Variants in LRMDA observed in about 807,000 individuals in gnomAD.
The protein encoded by LRMDA is leucine-rich melanocyte differentiation-associated protein.
A neutral mutation model predicts 29.8 loss-of-function variants in LRMDA; 18 were observed. The ratio of observed to expected loss-of-function variants is 0.60; its 90% CI spans 0.42 to 0.90. LRMDA has a LOEUF of 0.90. Among genes scored for constraint, LRMDA ranks in the 40% least tolerant of loss-of-function variants. The pLI is 0.00. For synonymous variants in LRMDA, 125 were observed against 109.4 expected (o/e 1.14, Z -0.89); for missense variants, 273 against 273.9 (o/e 1.00, Z 0.02).
chr10:75,527,047 A>C (rs1192735306), intron 2 of LRMDA, among the ~76,000 whole-genome samples: 1 of 152,036 alleles, frequency 6.6e-6, no homozygotes, highest in Non-Finnish European at 1.5e-5. Flanking sequence ...CCCTCCCTCT[A>C]ACTCCTGGCA....
At chr10:76,280,919 A>G (rs1040461013) in intron 5 of LRMDA, among the ~76,000 whole-genome samples, 1 of 152,142 alleles carries the variant, frequency 6.6e-6, no homozygotes, top group African/African-American at 2.4e-5. Flanking sequence ...ACCATTGTAG[A>G]ATTGCTTGTG....
At chr10:75,782,343 A>G (rs1843397038) in intron 2 of LRMDA, among the ~76,000 whole-genome samples, 1 of 152,166 alleles carries the variant, frequency 6.6e-6, no homozygotes, top group African/African-American at 2.4e-5. Flanking sequence ...CCTGAAATGA[A>G]TTAGAAAAAC....
intron 6 of LRMDA, among the ~76,000 whole-genome samples, chr10:76,335,165 G>T (rs2132412049): frequency 6.6e-6 from 1 of 152,326 alleles, no homozygotes. Context: ...AATTAGATAT[G>T]ATTATTCTAC....
intron 2 of LRMDA, among the ~76,000 whole-genome samples, chr10:75,708,580 G>C (rs79344486): frequency 1.3e-5 from 2 of 152,036 alleles, no homozygotes; most frequent in Admixed American, 1.3e-4. Context: ...TTAGGCTCTC[G>C]TCATCAAAGC....
chr10:76,428,140 A>T (rs1842149669), intron 6 of LRMDA, among the ~76,000 whole-genome samples: 1 of 152,162 alleles, frequency 6.6e-6, no homozygotes, highest in Non-Finnish European at 1.5e-5. Flanking sequence ...CTTGTGGCTG[A>T]GCCAAAACAC....
intron 2 of LRMDA, among the ~76,000 whole-genome samples, chr10:76,006,812 G>C (rs886999638): frequency 6.6e-6 from 1 of 152,122 alleles, no homozygotes; most frequent in Non-Finnish European, 1.5e-5. Context: ...TTAAAAAGAC[G>C]TGGCTTTCTA....
chr10:75,566,162 A>G (rs1375170729), intron 2 of LRMDA, among the ~76,000 whole-genome samples: 1 of 152,232 alleles, frequency 6.6e-6, no homozygotes, highest in African/African-American at 2.4e-5. Context: ...TCTTTAAAAC[A>G]CAGCAGTATC....
chr10:76,192,901 G>T (rs937459668), intron 5 of LRMDA, among the ~76,000 whole-genome samples: 34 of 152,098 alleles, frequency 2.2e-4, no homozygotes, highest in African/African-American at 8.0e-4. Flanking sequence ...GGCCTGAAAA[G>T]GTATGCATAT....
chr10:75,717,078 C>T (rs1842510087), intron 2 of LRMDA, among the ~76,000 whole-genome samples: 2 of 152,188 alleles, frequency 1.3e-5, no homozygotes, highest in Admixed American at 6.5e-5. Flanking sequence ...CATGTCTGCA[C>T]CAGTAGCCCT....
rs185220026 is a variant in LRMDA, at chr10:76,170,043, C to T, written c.516+111260C>T. Among the ~76,000 whole-genome samples, 497 of 152,164 alleles carry T rather than the reference C, an allele frequency of 3.3e-3. 3 individuals carry two copies. Among genetic ancestry groups the T allele is most frequent in the South Asian group, 0.012 (60 of 4,808 alleles). On this transcript the variant is annotated intron_variant, in intron 5 of 6. Transcript: ENST00000611255. ...AGAGGAAGCTGAAAGGTAAAATAAT[C>T]GGAGGATTGGACTACAGACTTTGAG...
chr10:75,542,901 C>T (rs776711299), intron 2 of LRMDA, among the ~76,000 whole-genome samples: 13 of 152,222 alleles, frequency 8.5e-5, no homozygotes, highest in Non-Finnish European at 1.8e-4. Context: ...CTGTCCGGCG[C>T]AGCCTGCCTG....
At chr10:75,435,387 T>C (rs1240501114) in intron 1 of LRMDA, among the ~76,000 whole-genome samples, 1 of 152,216 alleles carries the variant, frequency 6.6e-6, no homozygotes, top group African/African-American at 2.4e-5. Flanking sequence ...TAAGTCTTTT[T>C]TCTAGTTTCA....
At chr10:75,856,198 C>G (rs1844823185) in intron 2 of LRMDA, among the ~76,000 whole-genome samples, 2 of 152,288 alleles carry the variant, frequency 1.3e-5, no homozygotes, top group South Asian at 4.2e-4. Context: ...TACCCATGAG[C>G]ATGGAATGTT....
intron 2 of LRMDA, among the ~76,000 whole-genome samples, chr10:75,818,965 T>G (rs1844109833): frequency 6.6e-6 from 1 of 152,220 alleles, no homozygotes; most frequent in African/African-American, 2.4e-5. Context: ...TATTTTCTAT[T>G]TGCTAAATGT....
chr10:75,758,950 A>ATT (rs57108453), intron 2 of LRMDA, among the ~76,000 whole-genome samples: 1 of 142,086 alleles, frequency 7.0e-6, no homozygotes, highest in African/African-American at 2.6e-5. Flanking sequence ...CTTTGCCAGT[A>ATT]TTTTTTTTTT....
chr10:75,929,721 T>C (rs955185806), intron 2 of LRMDA, among the ~76,000 whole-genome samples: 1 of 152,174 alleles, frequency 6.6e-6, no homozygotes, highest in African/African-American at 2.4e-5. Flanking sequence ...TGATTTCTTG[T>C]TTCATTACTT....
intron 6 of LRMDA, among the ~76,000 whole-genome samples, chr10:76,391,462 C>G (rs1164122812): frequency 1.3e-5 from 2 of 152,176 alleles, no homozygotes; most frequent in African/African-American, 2.4e-5. Flanking sequence ...TATTGGCAAT[C>G]CTGATAGCAT....
intron 6 of LRMDA, among the ~76,000 whole-genome samples, chr10:76,450,386 AT>A (rs1296618491): frequency 6.6e-6 from 1 of 152,066 alleles, no homozygotes; most frequent in Non-Finnish European, 1.5e-5. Context: ...TATCATTGAG[AT>A]TTAAAACACA....
At chr10:76,065,201 GCATC>G (rs2132062056) in intron 5 of LRMDA, among the ~76,000 whole-genome samples, 1 of 152,248 alleles carries the variant, frequency 6.6e-6, no homozygotes, top group South Asian at 2.1e-4. Context: ...TAGAACCATG[GCATC>G]CTGTGCCTCA....
Sources: allele counts gnomAD v4.1 joint callset (sites outside exome capture counted in the v4.1 genomes callset), GRCh38; gene constraint gnomAD v4.1.1; transcripts MANE v1.5; gene names NCBI Gene and HGNC (gene_info 2026-07-23, HGNC 2026-07-21).